The following TULP4 variants were observed in gnomAD, a reference collection of about 807,000 sequenced individuals.
The protein encoded by TULP4 is TUB like protein 4.
Under a neutral mutation model 129.0 loss-of-function variants are expected in TULP4, and 16 were observed. That is an observed-to-expected ratio of 0.12 (90% confidence interval 0.08 to 0.19). The LOEUF (loss-of-function observed/expected upper bound fraction) is 0.19. Ranked by LOEUF, TULP4 falls within the 10% of genes least tolerant of loss-of-function variation. TULP4 has a pLI of 1.00. For missense variants in TULP4, 1,842 were observed against 2,059.1 expected (o/e 0.89, Z 2.04); for synonymous variants, 998 against 854.0 (o/e 1.17, Z -2.94).
At chr6:158,232,729 G>T (rs1432853756) in intron 1 of TULP4, among the ~76,000 whole-genome samples, 1 of 152,052 alleles carries the variant, frequency 6.6e-6, no homozygotes, top group East Asian at 1.9e-4. Flanking sequence ...ACTGGGCTGC[G>T]CTCCTCCTCT....
At chr6:158,239,914 C>T (rs1465705486) in intron 1 of TULP4, among the ~76,000 whole-genome samples, 2 of 62,734 alleles carry the variant, frequency 3.2e-5, no homozygotes, top group Admixed American at 1.5e-4. Context: ...CCTCACCTCC[C>T]GGACGGGGCG....
At chr6:158,461,810 T>C in intron 6 of TULP4, 81 bp downstream of exon 6, 1 of 1,464,892 alleles carries the variant, frequency 6.8e-7, no homozygotes, top group Non-Finnish European at 9.2e-7. Flanking sequence ...TGACAAATTT[T>C]ATTTTAATCT....
At chr6:158,259,997 G>A (rs950799273) in intron 1 of TULP4, among the ~76,000 whole-genome samples, 39 of 152,170 alleles carry the variant, frequency 2.6e-4, no homozygotes, top group African/African-American at 9.4e-4. Context: ...GGTGTTTATC[G>A]TATCAGGGTC....
chr6:158,240,471 G>A (rs1448769958), intron 1 of TULP4, among the ~76,000 whole-genome samples: 1 of 86,184 alleles, frequency 1.2e-5, no homozygotes, highest in African/African-American at 3.8e-5. Context: ...TGGGCGGAAG[G>A]CTGACCCCCC....
intron 1 of TULP4, among the ~76,000 whole-genome samples, chr6:158,320,372 A>G (rs1265007861): frequency 6.6e-6 from 1 of 151,960 alleles, no homozygotes; most frequent in Admixed American, 6.5e-5. Context: ...TTTCTTACAG[A>G]TATTGTAGAT....
At chr6:158,283,769 G>A (rs1028282688) in intron 1 of TULP4, among the ~76,000 whole-genome samples, 10 of 152,142 alleles carry the variant, frequency 6.6e-5, no homozygotes, top group Admixed American at 1.3e-4. Flanking sequence ...TGCTTCAGCA[G>A]GTCTGCTTCT....
At chr6:158,243,034 G>T (rs1051863075) in intron 1 of TULP4, among the ~76,000 whole-genome samples, 2 of 152,072 alleles carry the variant, frequency 1.3e-5, no homozygotes, top group Admixed American at 1.3e-4. Flanking sequence ...TGATCCGCCC[G>T]CCTCGGCCTC....
intron 1 of TULP4, chr6:158,238,140 C>T (rs915781229): frequency 5.3e-6 from 4 of 750,858 alleles, no homozygotes; most frequent in African/African-American, 3.5e-5. Context: ...TAACTCCTCT[C>T]TGCTTCTCAA....
chr6:158,439,128 G>A (rs988833775), intron 3 of TULP4, among the ~76,000 whole-genome samples: 10 of 151,330 alleles, frequency 6.6e-5, no homozygotes, highest in South Asian at 2.1e-4. Flanking sequence ...CCAAGATCGC[G>A]CCACTGCATT....
intron 1 of TULP4, among the ~76,000 whole-genome samples, chr6:158,376,446 T>C (rs1271964872): frequency 3.9e-5 from 6 of 152,178 alleles, no homozygotes; most frequent in Admixed American, 3.3e-4. Context: ...CAAAGGCATA[T>C]GTCCGGGGGG....
In TULP4 at chr6:158,506,746, T is replaced by TC; in HGVS notation, c.*53dup. On this transcript the variant is annotated 3_prime_UTR_variant, in exon 14 of 14. Coordinates refer to ENST00000367097, the MANE Select transcript of TULP4 (RefSeq NM_020245.5). ...TGCAGAGAGCCTTTGGAAGAGGTCT[T>TC]CGGAGATGCCAGAGGAGCCCTCTAG... The TC allele has an allele frequency of 7.7e-7, 1 of 1,306,390 alleles. No homozygotes were observed. Among genetic ancestry groups the TC allele is most frequent in the Non-Finnish European group, 1.1e-6 (1 of 904,028 alleles). 80.9% of individuals were successfully genotyped at this position (1,306,390 alleles called of 1,614,324 possible). A position where few individuals can be genotyped will look rare whatever the true frequency, so the allele number is the denominator to read the frequency against.
intron 8 of TULP4, among the ~76,000 whole-genome samples, chr6:158,482,937 C>T (rs994167764): frequency 5.3e-5 from 8 of 152,210 alleles, no homozygotes; most frequent in African/African-American, 1.7e-4. Flanking sequence ...TTTATCAGCT[C>T]GTATCAAACA....
chr6:158,461,420 AAAAAAAG>A, intron 5 of TULP4, 136 bp from the exon 6 acceptor site: 1 of 869,564 alleles, frequency 1.2e-6, no homozygotes, highest in East Asian at 2.8e-5. Context: ...TCAAAAAAAA[AAAAAAAG>A]GAAAAAACCA....
intron 8 of TULP4, among the ~76,000 whole-genome samples, chr6:158,484,867 C>CA (rs1333467571): frequency 6.6e-6 from 1 of 152,248 alleles, no homozygotes; most frequent in African/African-American, 2.4e-5. Context: ...TACACACACG[C>CA]ATAATACTGG....
chr6:158,458,938 G>A (rs1293980029), intron 5 of TULP4, among the ~76,000 whole-genome samples: 4 of 152,224 alleles, frequency 2.6e-5, no homozygotes, highest in African/African-American at 9.6e-5. Context: ...GGTCGCGGCT[G>A]TGCCTGTCAT....
rs78397000 is a variant in TULP4, at chr6:158,234,729, C to T, written n.68+2426C>T. 8.4e-3 allele frequency among the ~76,000 whole-genome samples: 1,272 copies of T among 152,298 alleles called. 19 individuals are homozygous for T. Among genetic ancestry groups the T allele is most frequent in the African/African-American group, 0.029 (1,215 of 41,564 alleles). ...TACCAAAAGCCTTACAGAAATTGTA[C>T]ATTTGTCTTTAGTGAGACTTCATGG... On this transcript the variant is annotated intron_variant and non_coding_transcript_variant, in intron 1 of 1. Coordinates refer to the TULP4 transcript ENST00000620026.
chr6:158,237,095 C>T (rs1777726162), intron 1 of TULP4, among the ~76,000 whole-genome samples: 2 of 151,932 alleles, frequency 1.3e-5, no homozygotes, highest in Non-Finnish European at 2.9e-5. Flanking sequence ...AGGTGTGAGC[C>T]ACCGTGCCCG....
chr6:158,461,873 G>GT, intron 6 of TULP4, 144 bp downstream of exon 6: 1 of 984,328 alleles, frequency 1.0e-6, no homozygotes. Flanking sequence ...GGAGAAAGCA[G>GT]TTTTTGCCTT....
At chr6:158,419,661 A>G (rs921804392) in intron 2 of TULP4, among the ~76,000 whole-genome samples, 4 of 152,250 alleles carry the variant, frequency 2.6e-5, no homozygotes, top group African/African-American at 7.2e-5. Context: ...ACCAAGAAAA[A>G]AAATAAAGCT....
Sources: gnomAD v4.1 joint callset for allele counts (sites outside exome capture counted in the v4.1 genomes callset) on GRCh38, gnomAD v4.1.1 for gene constraint, MANE v1.5 for transcripts, NCBI Gene and HGNC (gene_info 2026-07-23, HGNC 2026-07-21) for gene names.